Variants in DAGLA observed in about 807,000 individuals in gnomAD.
DAGLA encodes the protein diacylglycerol lipase alpha, also known as diacylglycerol lipase-alpha.
Under a neutral mutation model 102.6 loss-of-function variants are expected in DAGLA, and 22 were observed. The ratio of observed to expected loss-of-function variants is 0.21; its 90% CI spans 0.15 to 0.31. The LOEUF (loss-of-function observed/expected upper bound fraction) is 0.31. Ranked by LOEUF, DAGLA falls within the 10% of genes least tolerant of loss-of-function variation. The pLI is 1.00. For synonymous variants in DAGLA, 578 were observed against 628.9 expected, an observed-to-expected ratio of 0.92 and a Z score of 1.21; for missense variants, 927 against 1,446.6, an observed-to-expected ratio of 0.64 and a Z score of 5.83.
chr11:61,709,168 G>A (rs1463968871), intron 1 of DAGLA, among the ~76,000 whole-genome samples: 1 of 152,216 alleles, frequency 6.6e-6, no homozygotes, highest in East Asian at 1.9e-4. Context: ...GTCCAGACTA[G>A]AATGGACCTG....
intron 1 of DAGLA, among the ~76,000 whole-genome samples, chr11:61,716,658 G>C (rs1277220174): frequency 6.6e-6 from 1 of 152,314 alleles, no homozygotes; most frequent in African/African-American, 2.4e-5. Context: ...ATATGCCTGA[G>C]GTTGCACCGC....
chr11:61,714,238 C>T (rs1264216466), intron 1 of DAGLA, among the ~76,000 whole-genome samples: 1 of 152,216 alleles, frequency 6.6e-6, no homozygotes, highest in Admixed American at 6.5e-5. Flanking sequence ...GCTCTTCATT[C>T]AGCACCAGGC....
chr11:61,712,925 G>A (rs534055568), intron 1 of DAGLA, among the ~76,000 whole-genome samples: 46 of 152,202 alleles, frequency 3.0e-4, no homozygotes, highest in Non-Finnish European at 5.6e-4. Flanking sequence ...CCAGCTCTGC[G>A]ATGTCCTCGT....
At chr11:61,704,997 C>T (rs2065137873) in intron 1 of DAGLA, among the ~76,000 whole-genome samples, 1 of 152,170 alleles carries the variant, frequency 6.6e-6, no homozygotes, top group African/African-American at 2.4e-5. Flanking sequence ...CCTGCCGTGC[C>T]CGGGCTCGCC....
chr11:61,731,354 T>G lies in DAGLA; in HGVS notation c.887T>G (p.Met296Arg). 1 of 1,614,128 alleles carries G rather than the reference T, an allele frequency of 6.2e-7. No individual in the cohort carries two copies. The highest frequency in any genetic ancestry group is 8.5e-7 in the Non-Finnish European group (1 of 1,179,994). The change falls in exon 9 of 20, where the codon ATG becomes AGG. Residue 296 changes from methionine to arginine, a missense_variant. By Grantham distance (91) the Met-to-Arg change is moderately conservative. Transcript: ENST00000257215. The stretch of plus-strand genomic sequence containing the variant: ...CGCTACAAAGAGGTCTGCTACTACA[T>G]GCTCTTTGCCCTGGCTGCCTACGGG... The part of the protein sequence containing the change: ...MLRYKEVCYY[M>R]LFALAAYGWP...
chr11:61,696,113 G>A (rs930445181), intron 1 of DAGLA, among the ~76,000 whole-genome samples: 5 of 152,170 alleles, frequency 3.3e-5, no homozygotes, highest in Admixed American at 2.6e-4. Context: ...AATGAGAGTG[G>A]GGGAGCCTGG....
Position 61,684,756 on chromosome 11 carries a change from G to A in DAGLA, c.-45+4252G>A, listed in dbSNP as rs1025469007. On this transcript the variant is annotated intron_variant, in intron 1 of 19. Transcript: ENST00000257215. This position sits in a 1 kb window ranked among gnomAD's most constrained non-coding sequence, Gnocchi z 4.5. ...AGTGAGGGCGGAGGGGGTGTGGAGC[G>A]CCTGGTGGTGTGGGAGCGCGCAGGC... Among the ~76,000 whole-genome samples the A allele has an allele frequency of 5.9e-5, 9 of 151,268 alleles. No homozygotes were observed. The highest frequency in any genetic ancestry group is 1.2e-4 in the African/African-American group (5 of 41,102).
chr11:61,728,232 G>C lies in DAGLA; in HGVS notation c.716G>C (p.Gly239Ala). 1 of 1,613,944 alleles carries C rather than the reference G, an allele frequency of 6.2e-7. No homozygotes were observed. Residue 239 changes from glycine (G) to alanine (A), a missense_variant, in exon 7 of 20, where the codon GGC (glycine) becomes GCC (alanine). Around this residue, in one of 4 missense-constraint regions of DAGLA, gnomAD observed 231 missense variants for 439.8 expected, o/e 0.53. Coordinates refer to ENST00000257215, the MANE Select transcript of DAGLA (RefSeq NM_006133.3). ...LDIVPSDIIA[G>A]LVLLRQRQRA... ...ATTGTGCCATCCGACATCATTGCTG[G>C]CCTGGTGCTGCTCCGGCAGCGGCAG...
chr11:61,691,536 AC>A (rs34068709), intron 1 of DAGLA, among the ~76,000 whole-genome samples: 30 of 149,118 alleles, frequency 2.0e-4, no homozygotes, highest in Non-Finnish European at 3.9e-4. Flanking sequence ...TGGAGGTGGG[AC>A]CCCCCCCAAC....
At chr11:61,737,540 C>A in intron 14 of DAGLA, 147 bp from the exon 15 acceptor site, 1 of 1,020,042 alleles carries the variant, frequency 9.8e-7, no homozygotes, top group Non-Finnish European at 1.5e-6. Flanking sequence ...GAGCAGGGAG[C>A]AGGCAACCCA....
At position 61,738,117 on chromosome 11, in the gene DAGLA, G is replaced by A. The variant is rs759667405; in HGVS notation, c.1584-18G>A. ...CTGACCAGGCCTGGCTGACGGCCCTGTCTCGTTCCCTCCCCAGGATTGGCC... is the reference window on the plus strand; with the variant it reads ...CTGACCAGGCCTGGCTGACGGCCCTATCTCGTTCCCTCCCCAGGATTGGCC... On this transcript the variant is annotated intron_variant, in intron 15 of 19. Transcript: ENST00000257215. 41 of 1,611,874 alleles carry A rather than the reference G, an allele frequency of 2.5e-5. No homozygotes were observed. The highest frequency in any genetic ancestry group is 3.4e-5 in the Non-Finnish European group (40 of 1,178,644).
chr11:61,697,434 CTGAGCCCCAGGTGGT>C (rs1244545994), intron 1 of DAGLA, among the ~76,000 whole-genome samples: 3 of 152,158 alleles, frequency 2.0e-5, no homozygotes, highest in Admixed American at 6.5e-5. Context: ...CCACACGTGG[CTGAGCCCCAGGTGGT>C]GCCAAGGACA....
At chr11:61,701,033 T>C (rs994268528) in intron 1 of DAGLA, among the ~76,000 whole-genome samples, 1 of 152,354 alleles carries the variant, frequency 6.6e-6, no homozygotes. Flanking sequence ...CAGATGTTGT[T>C]CATCCCCTTT....
chr11:61,727,550 G>C (rs762593050), intron 6 of DAGLA, among the ~76,000 whole-genome samples: 7 of 152,198 alleles, frequency 4.6e-5, no homozygotes, highest in Non-Finnish European at 1.0e-4. Context: ...CTGAGGCCCA[G>C]ACATGCACTG....
At chr11:61,735,317 G>A (rs969976343) in intron 10 of DAGLA, among the ~76,000 whole-genome samples, 3 of 152,324 alleles carry the variant, frequency 2.0e-5, no homozygotes, top group Non-Finnish European at 2.9e-5. Flanking sequence ...CCTGGACTCA[G>A]GGGCAAGTGG....
chr11:61,718,272 C>G (rs541147708), intron 1 of DAGLA, among the ~76,000 whole-genome samples: 13 of 152,108 alleles, frequency 8.5e-5, no homozygotes, highest in Admixed American at 5.2e-4. Context: ...CTCTACAGCA[C>G]CTGCGGGGGC....
intron 16 of DAGLA, 71 bp from the exon 17 acceptor site, chr11:61,739,394 T>G (rs1244538981): frequency 4.3e-4 from 433 of 1,018,768 alleles, no homozygotes; most frequent in Non-Finnish European, 5.2e-4. Context: ...CCCTTCTCGG[T>G]CCCCCTGCCC....
In DAGLA at chr11:61,735,649, G is replaced by A; in HGVS notation, c.1212+5G>A. The stretch of plus-strand genomic sequence containing the variant: ...CGGGGGACCCTGTCCCCCAAGGTAC[G>A]CTGCCCATGGCTCCCAGCCCCCGGG... On this transcript the variant is annotated splice_donor_5th_base_variant and intron_variant, in intron 11 of 19. Transcript: ENST00000257215. 6.2e-7 allele frequency: 1 copy of A among 1,613,838 alleles called. No homozygotes were observed. Among genetic ancestry groups the A allele is most frequent in the Non-Finnish European group, 8.5e-7 (1 of 1,179,802 alleles).
At position 61,684,650 on chromosome 11, in the gene DAGLA, G is replaced by C. The variant is rs2064971898; in HGVS notation, c.-45+4146G>C. Among the ~76,000 whole-genome samples the C allele has an allele frequency of 6.6e-6, 1 of 152,178 alleles. No homozygotes were observed. The highest frequency in any genetic ancestry group is 1.5e-5 in the Non-Finnish European group (1 of 68,038). On this transcript the variant is annotated intron_variant, in intron 1 of 19. Transcript: ENST00000257215. The surrounding 1 kb of genome is among the most constrained non-coding windows in gnomAD (Gnocchi z 4.5). ...GGAACGCCTAAGTCCTCTAGATGGG[G>C]ATGGGGCTGTTATTACCGCGGGGCT...
Sources: allele counts gnomAD v4.1 joint callset (sites outside exome capture counted in the v4.1 genomes callset), GRCh38; gene constraint gnomAD v4.1.1; regional missense constraint gnomAD v4.1.1; non-coding constraint Gnocchi (gnomAD v3.1); transcripts MANE v1.5; gene names NCBI Gene and HGNC (gene_info 2026-07-23, HGNC 2026-07-21).